Variants in WDR35 observed in about 807,000 individuals in gnomAD.
WDR35 encodes WD repeat domain 35, also known as WD repeat-containing protein 35.
A neutral mutation model predicts 158.3 loss-of-function variants in WDR35; 118 were observed. The observed-to-expected ratio is 0.75, with a 90% CI of 0.64 to 0.87. The LOEUF (loss-of-function observed/expected upper bound fraction) is 0.87, where lower values mean the gene tolerates loss of function less well. WDR35 is among the 40% of genes least tolerant of loss of function. The probability of loss-of-function intolerance (pLI) is 0.00; values close to 1 mark genes in which losing one functional copy is unlikely to be tolerated. For missense variants in WDR35, 1,263 were observed against 1,405.8 expected (o/e 0.90, Z 1.62); for synonymous variants, 448 against 476.1 (o/e 0.94, Z 0.77).
rs56395266 is a variant in WDR35, at chr2:19,930,498, G to T, written c.3019C>A (p.Arg1007Ser). The change falls in exon 25 of 27, where the codon CGT becomes AGT. Residue 1007 changes from arginine (R) to serine (S), a missense_variant. By Grantham distance (110) the Arg-to-Ser change is moderately radical (BLOSUM62 -1). Transcript: ENST00000281405. Reference protein sequence around the residue: ...LEEEVLSTTDRFTDNAWRGAE... With the variant: ...LEEEVLSTTDSFTDNAWRGAE... ...CCTCTCCATGCATTATCTGTGAAAC[G>T]ATCTGTTGTAGACAGAACTTCTTCT... 17 of 1,614,066 alleles carry T rather than the reference G, an allele frequency of 1.1e-5. No individual in the cohort carries two copies. In the South Asian group the frequency reaches 1.8e-4, roughly 17 times the overall value.
intron 26 of WDR35, 124 bp from the exon 27 acceptor site, chr2:19,913,832 TAA>T (rs1480456469): frequency 1.7e-5 from 25 of 1,450,520 alleles, no homozygotes; most frequent in African/African-American, 2.9e-5. Context: ...TACTTTCATT[TAA>T]AAAAGTTATT....
intron 13 of WDR35, among the ~76,000 whole-genome samples, 168 bp from the exon 14 acceptor site, chr2:19,948,385 A>C (rs763241093): frequency 6.6e-5 from 10 of 152,348 alleles, no homozygotes; most frequent in Non-Finnish European, 1.5e-4. Context: ...AGCACTAGAG[A>C]TACTCAGATG....
intron 10 of WDR35, chr2:19,962,453 T>C: frequency 2.4e-6 from 2 of 830,836 alleles, no homozygotes; most frequent in African/African-American, 1.7e-5. Flanking sequence ...ATTAGGAAAA[T>C]AATCAAACGT....
chr2:19,933,560 C>G, intron 21 of WDR35, 49 bp from the exon 22 acceptor site: 1 of 1,511,660 alleles, frequency 6.6e-7, no homozygotes, highest in Non-Finnish European at 9.2e-7. Flanking sequence ...AAGGAAATTA[C>G]TTATATTTTA....
In WDR35 at chr2:19,966,720, CT is replaced by C. The variant is rs1671864707; in HGVS notation, c.1194+3del. On this transcript the variant is annotated splice_donor_region_variant and intron_variant, in intron 10 of 26. Transcript: ENST00000281405. ...TATGTCTTAAGATATCAAGAAACAC[CT>C]ACCTGAGGATGATTTTCATCAGCTT... The C allele has an allele frequency of 6.2e-7, 1 of 1,613,496 alleles. No individual in the cohort carries two copies. The highest frequency in any genetic ancestry group is 1.7e-5 in the Admixed American group (1 of 60,016).
rs779829244 is a variant in WDR35 at position 19,946,442 on chromosome 2, G to A, written c.1634+19C>T. On this transcript the variant is annotated intron_variant, in intron 15 of 26. Transcript: ENST00000281405. ...ATTTCTAAGTCTAACATCTACATGA[G>A]CAGAGTTTTCAGGCTTACCTAGAGT... 8 of 1,585,876 alleles carry A rather than the reference G, an allele frequency of 5.0e-6. No homozygotes were observed. The South Asian group carries it at 6.6e-5, about 13-fold the overall frequency.
chr2:19,916,277 C>T (rs1349233980), intron 25 of WDR35, among the ~76,000 whole-genome samples: 4 of 152,194 alleles, frequency 2.6e-5, no homozygotes, highest in South Asian at 2.1e-4. Flanking sequence ...CCCACGCCAC[C>T]GGGGCCCTGG....
intron 2 of WDR35, among the ~76,000 whole-genome samples, chr2:19,983,970 T>A (rs2103466541): frequency 6.7e-6 from 1 of 149,556 alleles, no homozygotes; most frequent in East Asian, 2.0e-4. Context: ...ACATTTTTCT[T>A]AACTTCTAGC....
Position 19,989,178 on chromosome 2 carries a change from T to C in WDR35, c.129A>G (p.Leu43=). The change falls in exon 2 of 27, where the codon TTA becomes TTG. Residue 43 remains leucine (L), a synonymous_variant. Coordinates refer to ENST00000281405, the MANE Select transcript of WDR35 (RefSeq NM_020779.4). Reference sequence around the variant, plus strand: ...GCATTCATTTACCTGTCTGCGTCTCTAATTTCAAAACTTTCAGTAATCCAT... The same window carrying C: ...GCATTCATTTACCTGTCTGCGTCTCCAATTTCAAAACTTTCAGTAATCCAT... The part of the protein sequence containing the change: ...GEDGLLKVLK[L]ETQTDDAKLR... 2.5e-6 allele frequency: 4 copies of C among 1,614,196 alleles called. No individual in the cohort carries two copies. The highest frequency in any genetic ancestry group is 1.1e-5 in the South Asian group (1 of 91,086).
chr2:19,946,568 A>T lies in WDR35; in HGVS notation c.1527T>A (p.Gly509=). The change falls in exon 15 of 27, where the codon GGT becomes GGA. Residue 509 remains glycine (G), a splice_region_variant and synonymous_variant. Transcript: ENST00000281405. ...ATCTCTGAATGGTGCCAGATTCACG[A>T]CCCTATGGAAATTACTTTTGATTAC... ...ITASDKILIV[G]RESGTIQRYS... 6.2e-7 allele frequency: 1 copy of T among 1,613,212 alleles called. No individual in the cohort carries two copies. Among genetic ancestry groups the T allele is most frequent in the Non-Finnish European group, 8.5e-7 (1 of 1,179,366 alleles).
chr2:19,936,261 G>C lies in WDR35; in HGVS notation c.2372C>G (p.Ala791Gly). The change falls in exon 20 of 27, where the codon GCC (alanine) becomes GGC (glycine). Residue 791 changes from alanine to glycine, a missense_variant. Coordinates refer to ENST00000281405, the MANE Select transcript of WDR35 (RefSeq NM_020779.4). ...GDADDSLLEQ[A>G]NNAIGDYFAD... ...AAAGTAGTCTCCAATGGCATTGTTG[G>C]CTTGTTCCAGGAGACTGTCATCTGC... 6.2e-7 allele frequency: 1 copy of C among 1,613,952 alleles called. No individual in the cohort carries two copies. The highest frequency in any genetic ancestry group is 8.5e-7 in the Non-Finnish European group (1 of 1,179,928).
chr2:19,947,627 C>T (rs964374358), intron 14 of WDR35, among the ~76,000 whole-genome samples: 7 of 152,150 alleles, frequency 4.6e-5, no homozygotes, highest in Non-Finnish European at 7.4e-5. Context: ...CATGTTACCT[C>T]GTCATTCTAA....
intron 25 of WDR35, among the ~76,000 whole-genome samples, chr2:19,922,457 A>T (rs986780802): frequency 1.1e-4 from 16 of 152,146 alleles, no homozygotes; most frequent in Middle Eastern, 3.4e-3. Context: ...TTCTCAGCAA[A>T]CTAACACAAG....
intron 2 of WDR35, among the ~76,000 whole-genome samples, chr2:19,984,715 C>A (rs1433162965): frequency 6.6e-6 from 1 of 152,156 alleles, no homozygotes; most frequent in Non-Finnish European, 1.5e-5. Context: ...CACCAATAAC[C>A]AAGCACACTA....
At chr2:19,975,910 T>G (rs571719719) in intron 5 of WDR35, among the ~76,000 whole-genome samples, 8 of 152,340 alleles carry the variant, frequency 5.3e-5, no homozygotes, top group African/African-American at 1.9e-4. Flanking sequence ...CAATTAGCAG[T>G]TGAGCCCATC....
intron 8 of WDR35, among the ~76,000 whole-genome samples, chr2:19,973,316 T>C (rs1672085722): frequency 6.6e-6 from 1 of 152,112 alleles, no homozygotes; most frequent in Non-Finnish European, 1.5e-5. Flanking sequence ...AACTACTCCA[T>C]GGTGATTTCT....
chr2:19,975,209 C>T (rs1480756784), intron 6 of WDR35, among the ~76,000 whole-genome samples: 2 of 152,170 alleles, frequency 1.3e-5, no homozygotes, highest in Non-Finnish European at 2.9e-5. Context: ...CACCAGAAGA[C>T]ACCTATAAAA....
At chr2:19,989,398 G>GA (rs913014961) in intron 1 of WDR35, 116 bp from the exon 2 acceptor site, 101 of 918,162 alleles carry the variant, frequency 1.1e-4, no homozygotes, top group African/African-American at 4.1e-4. Context: ...CGGCCTTGCA[G>GA]AAAAAAAATG....
At chr2:19,920,160 A>T (rs1416092854) in intron 25 of WDR35, among the ~76,000 whole-genome samples, 1 of 152,232 alleles carries the variant, frequency 6.6e-6, no homozygotes, top group Non-Finnish European at 1.5e-5. Context: ...TATAAAGAGG[A>T]GCTGGTACTA....
Sources: gnomAD v4.1 joint callset for allele counts (sites outside exome capture counted in the v4.1 genomes callset) on GRCh38, gnomAD v4.1.1 for gene constraint, MANE v1.5 for transcripts, NCBI Gene and HGNC (gene_info 2026-07-23, HGNC 2026-07-21) for gene names.